ALKBH8: variants seen among roughly 807,000 people sequenced by gnomAD.
ALKBH8 encodes the protein tRNA (carboxymethyluridine(34)-5-O)-methyltransferase ALKBH8.
ALKBH8 carries 36 observed loss-of-function variants against 59.8 expected under a neutral mutation model. That is an observed-to-expected ratio of 0.60 (90% CI 0.46 to 0.79). The LOEUF (loss-of-function observed/expected upper bound fraction) is 0.79, where lower values mean the gene tolerates loss of function less well. Ranked by LOEUF, ALKBH8 falls within the 30% of genes least tolerant of loss-of-function variation. The probability of loss-of-function intolerance (pLI) is 0.00; values close to 1 mark genes in which losing one functional copy is unlikely to be tolerated. For missense variants in ALKBH8, 768 were observed against 801.0 expected (o/e 0.96, Z 0.50); for synonymous variants, 276 against 273.6 (o/e 1.01, Z -0.09).
intron 8 of ALKBH8, among the ~76,000 whole-genome samples, chr11:107,530,602 C>CACAA (rs1301773235): frequency 1.2e-3 from 10 of 8,246 alleles, no homozygotes; most frequent in South Asian, 0.013. Context: ...CTCTTCCTAA[C>CACAA]ACACACACAC....
intron 11 of ALKBH8, among the ~76,000 whole-genome samples, chr11:107,507,505 A>G (rs1862439499): frequency 6.6e-6 from 1 of 152,176 alleles, no homozygotes; most frequent in Non-Finnish European, 1.5e-5. Context: ...TGGTTGAAAA[A>G]AAGATTATTA....
At chr11:107,518,055 TTAA>T (rs1226474492) in intron 10 of ALKBH8, among the ~76,000 whole-genome samples, 1 of 151,052 alleles carries the variant, frequency 6.6e-6, no homozygotes, top group Non-Finnish European at 1.5e-5. Flanking sequence ...AAAGACATTT[TTAA>T]TAACTTTAAT....
Position 107,522,531 on chromosome 11 carries a change from T to C in ALKBH8, c.1055A>G (p.Gln352Arg). The C allele has an allele frequency of 1.3e-6, 2 of 1,551,594 alleles. No homozygotes were observed. The highest frequency in any genetic ancestry group is 1.7e-6 in the Non-Finnish European group (2 of 1,146,934). ...NCSYPLVCDS[Q>R]RKETPPSFPE... The stretch of plus-strand genomic sequence containing the variant: ...AAATGAGGGGGGAGTCTCTTTCCTC[T>C]GGCTATCACAGACCAACGGGTAACC... Residue 352 changes from glutamine to arginine, a missense_variant, in exon 10 of 12, where the codon CAG becomes CGG. Coordinates refer to ENST00000428149, the MANE Select transcript of ALKBH8 (RefSeq NM_138775.3).
chr11:107,555,564 A>C (rs996501391), intron 3 of ALKBH8, among the ~76,000 whole-genome samples: 2 of 152,230 alleles, frequency 1.3e-5, no homozygotes, highest in African/African-American at 4.8e-5. Context: ...TGTAAAGCTT[A>C]AGTCAGATTT....
chr11:107,558,274 G>A (rs766960808), intron 2 of ALKBH8, among the ~76,000 whole-genome samples: 24 of 152,148 alleles, frequency 1.6e-4, no homozygotes, highest in Middle Eastern at 3.2e-3. Flanking sequence ...AAGTAAAACT[G>A]TTTTGTCATG....
Position 107,560,845 on chromosome 11 carries a change from T to G in ALKBH8, c.49A>C (p.Lys17Gln). The G allele has an allele frequency of 6.2e-7, 1 of 1,613,148 alleles. No homozygotes were observed. The highest frequency in any genetic ancestry group is 8.5e-7 in the Non-Finnish European group (1 of 1,179,484). ...SNYKLSKTEK[K>Q]FLRKQIKAKH... The stretch of plus-strand genomic sequence containing the variant: ...GCTTTAATCTGTTTCCTTAAGAACT[T>G]CTTCTCAGTTTTACTGAGTTTGTAA... The change falls in exon 2 of 12, where the codon AAG becomes CAG. Residue 17 changes from lysine (K) to glutamine (Q), a missense_variant. By Grantham distance (53) the Lys-to-Gln change is moderately conservative (BLOSUM62 1). Coordinates refer to ENST00000428149, the MANE Select transcript of ALKBH8 (RefSeq NM_138775.3).
intron 6 of ALKBH8, among the ~76,000 whole-genome samples, chr11:107,550,629 G>T (rs1005328008): frequency 6.6e-6 from 1 of 152,194 alleles, no homozygotes; most frequent in Non-Finnish European, 1.5e-5. Flanking sequence ...TAATTCAGAG[G>T]TGTAGTATTC....
Position 107,504,528 on chromosome 11 carries a change from A to G in ALKBH8, c.*130T>C, listed in dbSNP as rs190394395. The G allele has an allele frequency of 1.3e-3, 1,626 of 1,213,818 alleles. 4 individuals are homozygous for G. Among genetic ancestry groups the G allele is most frequent in the Non-Finnish European group, 1.7e-3 (1,478 of 848,834 alleles). The allele number at this position is 1,213,818 out of a possible 1,614,324, so 75.2% of individuals were successfully genotyped here. ...TGTCTCCTAATGAATCCCTACTTCC[A>G]AATTTTTCTCAGCTTTCCTTTGGTA... On this transcript the variant is annotated 3_prime_UTR_variant, in exon 12 of 12. Transcript: ENST00000428149.
chr11:107,522,253 C>T, intron 10 of ALKBH8, 46 bp downstream of exon 10: 2 of 1,541,032 alleles, frequency 1.3e-6, no homozygotes, highest in Non-Finnish European at 8.8e-7. Flanking sequence ...ATGATGATAA[C>T]CACTGCAAAT....
chr11:107,522,461 G>T lies in ALKBH8; in HGVS notation c.1125C>A (p.Val375=). ...KEASRLEQEY[V]HQVYEEIAGH... is the part of the protein sequence containing the mutation. ...CAGCAATCTCTTCATAAACCTGATGGACGTACTCTTGCTCCAGCCGTGAGG... is the reference window on the plus strand; with the variant it reads ...CAGCAATCTCTTCATAAACCTGATGTACGTACTCTTGCTCCAGCCGTGAGG... Residue 375 remains valine, a synonymous_variant, in exon 10 of 12, where the codon GTC becomes GTA. Coordinates refer to ENST00000428149, the MANE Select transcript of ALKBH8 (RefSeq NM_138775.3). 1 of 1,551,728 alleles carries T rather than the reference G, an allele frequency of 6.4e-7. No individual in the cohort carries two copies. Among genetic ancestry groups the T allele is most frequent in the Non-Finnish European group, 8.7e-7 (1 of 1,146,998 alleles).
rs547255688 is a variant in ALKBH8, at chr11:107,562,229, G to A, written c.-6-1330C>T. Among the ~76,000 whole-genome samples the A allele has an allele frequency of 9.9e-5, 15 of 151,484 alleles. No individual in the cohort carries two copies. In the South Asian group the frequency reaches 2.9e-3, roughly 30 times the overall value. ...CACGAGAATCGCTTGAACCCGGGAGGCAGAGGTTGCAGTGAGCCAAGATCA... is the reference window on the plus strand; with the variant it reads ...CACGAGAATCGCTTGAACCCGGGAGACAGAGGTTGCAGTGAGCCAAGATCA... On this transcript the variant is annotated intron_variant, in intron 1 of 11. Transcript: ENST00000428149.
chr11:107,537,822 C>A (rs1050336547), intron 7 of ALKBH8, among the ~76,000 whole-genome samples: 1 of 151,958 alleles, frequency 6.6e-6, no homozygotes, highest in Non-Finnish European at 1.5e-5. Flanking sequence ...AAAATTCATG[C>A]CAATAAATCA....
intron 9 of ALKBH8, 45 bp from the exon 10 acceptor site, chr11:107,522,600 C>T (rs1863165247): frequency 1.3e-6 from 2 of 1,498,322 alleles, no homozygotes; most frequent in East Asian, 2.5e-5. Flanking sequence ...ATCAGAATAA[C>T]TCATAAGGTA....
intron 8 of ALKBH8, among the ~76,000 whole-genome samples, chr11:107,526,895 T>A (rs1221203751): frequency 6.6e-6 from 1 of 151,958 alleles, no homozygotes; most frequent in African/African-American, 2.4e-5. Context: ...ATGTATGGAG[T>A]TATCTCTGGA....
At chr11:107,535,834 CTGAG>C (rs1318292246) in intron 7 of ALKBH8, among the ~76,000 whole-genome samples, 1 of 151,976 alleles carries the variant, frequency 6.6e-6, no homozygotes, top group Admixed American at 6.6e-5. Flanking sequence ...ATGTCTACCA[CTGAG>C]TGAGTGAGGG....
chr11:107,510,391 C>A (rs1862571642), intron 11 of ALKBH8, among the ~76,000 whole-genome samples: 1 of 150,864 alleles, frequency 6.6e-6, no homozygotes, highest in African/African-American at 2.4e-5. Context: ...CTAAAAAAGA[C>A]AGAGTTTTGA....
intron 7 of ALKBH8, among the ~76,000 whole-genome samples, chr11:107,541,844 G>T (rs917722464): frequency 2.0e-5 from 3 of 151,934 alleles, no homozygotes; most frequent in Non-Finnish European, 2.9e-5. Context: ...TGCTTACCAT[G>T]TTTAAAGATA....
chr11:107,513,212 C>A (rs1322975660), intron 10 of ALKBH8, among the ~76,000 whole-genome samples: 1 of 152,014 alleles, frequency 6.6e-6, no homozygotes, highest in African/African-American at 2.4e-5. Context: ...ATGCAAAAAA[C>A]AATCGGTCCC....
Position 107,556,833 on chromosome 11 carries a change from G to C in ALKBH8, c.300C>G (p.Leu100=), listed in dbSNP as rs759119787. 58 of 1,551,048 alleles carry C rather than the reference G, an allele frequency of 3.7e-5. No individual in the cohort carries two copies. Among genetic ancestry groups the C allele is most frequent in the Non-Finnish European group, 4.5e-5 (52 of 1,149,604 alleles). The change falls in exon 3 of 12, where the codon CTC becomes CTG. Residue 100 remains leucine (L), a synonymous_variant. Transcript: ENST00000428149. ...AATCATCCACTACTTCTTTTCCATT[G>C]AGGGTAACATAGGCTCTCTTAGATT... ...TEESKRAYVT[L]NGKEVVDDLG...
Sources: gnomAD v4.1 joint callset for allele counts (sites outside exome capture counted in the v4.1 genomes callset) on GRCh38, gnomAD v4.1.1 for gene constraint, MANE v1.5 for transcripts, NCBI Gene and HGNC (gene_info 2026-07-23, HGNC 2026-07-21) for gene names.